The following NXPH2 variants were observed in gnomAD, a reference collection of about 807,000 sequenced individuals.
The protein encoded by NXPH2 is neurexophilin-2.
Under a neutral mutation model 19.8 loss-of-function variants are expected in NXPH2, and 5 were observed. The observed-to-expected ratio is 0.25, with a 90% confidence interval of 0.13 to 0.53. NXPH2 has a LOEUF of 0.53. Among genes scored for constraint, NXPH2 ranks in the 20% least tolerant of loss-of-function variants. The pLI is 0.96. For missense variants in NXPH2, 289 were observed against 322.8 expected (o/e 0.90, Z 0.80); for synonymous variants, 154 against 127.4 (o/e 1.21, Z -1.41).
At chr2:138,673,754 A>T (rs1680446154) in intron 1 of NXPH2, among the ~76,000 whole-genome samples, 1 of 151,712 alleles carries the variant, frequency 6.6e-6, no homozygotes, top group Non-Finnish European at 1.5e-5. Context: ...TTGGGATTAC[A>T]GGTATGAGTC....
intron 1 of NXPH2, among the ~76,000 whole-genome samples, chr2:138,730,562 C>T (rs543411978): frequency 2.2e-4 from 33 of 152,188 alleles, no homozygotes; most frequent in African/African-American, 7.0e-4. Context: ...CACTGAGGCA[C>T]CATGCTATGA....
chr2:138,749,130 T>C (rs1681787366), intron 1 of NXPH2, among the ~76,000 whole-genome samples: 1 of 152,176 alleles, frequency 6.6e-6, no homozygotes, highest in Admixed American at 6.5e-5. Flanking sequence ...GTTTCCCCCA[T>C]GCTATTATCA....
At chr2:138,751,593 G>A (rs1375202113) in intron 1 of NXPH2, among the ~76,000 whole-genome samples, 1 of 151,952 alleles carries the variant, frequency 6.6e-6, no homozygotes, top group East Asian at 1.9e-4. Flanking sequence ...TTCTAACAGG[G>A]GAAAGTTTTG....
rs1383015262 is a variant in NXPH2 at position 138,723,131 on chromosome 2, A to C, written c.52-51466T>G. On this transcript the variant is annotated intron_variant, in intron 1 of 1. Coordinates refer to ENST00000272641, the MANE Select transcript of NXPH2 (RefSeq NM_007226.3). ...GAGGAGATTTACTGTAGGGTTTCACATTAAAGCAAAGCTAAGCAACACAAA... is the reference window on the plus strand; with the variant it reads ...GAGGAGATTTACTGTAGGGTTTCACCTTAAAGCAAAGCTAAGCAACACAAA... 2.6e-5 allele frequency among the ~76,000 whole-genome samples: 4 copies of C among 152,102 alleles called. No individual in the cohort carries two copies. In the East Asian group the frequency reaches 7.8e-4, roughly 30 times the overall value.
chr2:138,695,298 A>G (rs1680813993), intron 1 of NXPH2, among the ~76,000 whole-genome samples: 3 of 152,198 alleles, frequency 2.0e-5, no homozygotes, highest in African/African-American at 7.2e-5. Flanking sequence ...TGTAGTTTGA[A>G]AAAGATACTG....
chr2:138,669,487 G>A lies in NXPH2; in HGVS notation c.*1435C>T, dbSNP rs910645845. Among the ~76,000 whole-genome samples, 2 of 151,534 alleles carry A rather than the reference G, an allele frequency of 1.3e-5. No individual in the cohort carries two copies. The highest frequency in any genetic ancestry group is 4.8e-5 in the African/African-American group (2 of 41,264). On this transcript the variant is annotated 3_prime_UTR_variant, in exon 2 of 2. Transcript: ENST00000272641. ...GTAAAAGGAAAGAAATGAAGATAGAGAACAGAGCTCTTGGTTTTTTGAACA... is the reference window on the plus strand; with the variant it reads ...GTAAAAGGAAAGAAATGAAGATAGAAAACAGAGCTCTTGGTTTTTTGAACA...
intron 1 of NXPH2, among the ~76,000 whole-genome samples, chr2:138,690,798 G>A (rs1680734868): frequency 6.6e-6 from 1 of 152,228 alleles, no homozygotes. Context: ...TCTATGGAGG[G>A]TAGTGTCTAG....
chr2:138,768,859 G>A (rs547510595), intron 1 of NXPH2, among the ~76,000 whole-genome samples: 5 of 152,258 alleles, frequency 3.3e-5, no homozygotes, highest in Admixed American at 6.5e-5. Flanking sequence ...ATTTTATAAG[G>A]AAAGAAACAG....
chr2:138,760,332 C>G (rs1211482164), intron 1 of NXPH2, among the ~76,000 whole-genome samples: 3 of 152,172 alleles, frequency 2.0e-5, no homozygotes, highest in Non-Finnish European at 4.4e-5. Context: ...TGCTCAACAT[C>G]TGCTTAACTT....
At chr2:138,780,101 C>G (rs1682327841) in intron 1 of NXPH2, 90 bp downstream of exon 1, 2 of 1,322,368 alleles carry the variant, frequency 1.5e-6, no homozygotes, top group Admixed American at 2.9e-5. Context: ...CCAAGCAGGC[C>G]CAGGCTGGGC....
At chr2:138,744,983 T>G (rs1009635169) in intron 1 of NXPH2, among the ~76,000 whole-genome samples, 23 of 152,164 alleles carry the variant, frequency 1.5e-4, no homozygotes, top group African/African-American at 5.5e-4. Context: ...AGCCCAGCTG[T>G]CAGCTCTCCA....
chr2:138,768,379 A>G (rs1682124911), intron 1 of NXPH2, among the ~76,000 whole-genome samples: 1 of 152,116 alleles, frequency 6.6e-6, no homozygotes, highest in African/African-American at 2.4e-5. Flanking sequence ...GAGAGTGCTA[A>G]CCACAAGTTT....
chr2:138,753,531 T>A (rs1558929675), intron 1 of NXPH2, among the ~76,000 whole-genome samples: 1 of 152,206 alleles, frequency 6.6e-6, no homozygotes, highest in Non-Finnish European at 1.5e-5. Flanking sequence ...CTGGAGTGTT[T>A]TGTTTTCAGG....
In NXPH2 at chr2:138,709,108, C is replaced by T. The variant is rs376593342; in HGVS notation, c.52-37443G>A. Among the ~76,000 whole-genome samples, 102 of 152,172 alleles carry T rather than the reference C, an allele frequency of 6.7e-4. No individual in the cohort carries two copies. The Middle Eastern group carries it at 0.01, about 15-fold the overall frequency. On this transcript the variant is annotated intron_variant, in intron 1 of 1. Transcript: ENST00000272641. ...TGGCAATGGAGCTAATTCCAATCAA[C>T]GAGGAAGCTATTTAGGTCCCACAAG... is the stretch of plus-strand genomic sequence containing the variant.
chr2:138,750,520 G>A (rs1375333477), intron 1 of NXPH2, among the ~76,000 whole-genome samples: 1 of 152,090 alleles, frequency 6.6e-6, no homozygotes, highest in Non-Finnish European at 1.5e-5. Flanking sequence ...AGCTGTAAAT[G>A]TGAACCAGCA....
At chr2:138,691,429 A>G (rs1024211558) in intron 1 of NXPH2, among the ~76,000 whole-genome samples, 4 of 152,226 alleles carry the variant, frequency 2.6e-5, no homozygotes, top group African/African-American at 7.2e-5. Flanking sequence ...TGTGAGAGAC[A>G]TATATTAATT....
intron 1 of NXPH2, among the ~76,000 whole-genome samples, chr2:138,722,402 G>T (rs942475538): frequency 1.3e-5 from 2 of 152,238 alleles, no homozygotes; most frequent in Admixed American, 6.5e-5. Context: ...AATCAAGGAA[G>T]TATGTGTGGT....
chr2:138,743,848 C>T, intron 1 of NXPH2, among the ~76,000 whole-genome samples: 1 of 151,716 alleles, frequency 6.6e-6, no homozygotes, highest in East Asian at 1.9e-4. Context: ...ATTAAAAGTA[C>T]AAAAATTAGT....
At chr2:138,718,269 G>A (rs1005526431) in intron 1 of NXPH2, among the ~76,000 whole-genome samples, 1 of 151,826 alleles carries the variant, frequency 6.6e-6, no homozygotes. Context: ...TTAGTGAAAA[G>A]ACAATTTAAA....
Sources: gnomAD v4.1 joint callset for allele counts (sites outside exome capture counted in the v4.1 genomes callset) on GRCh38, gnomAD v4.1.1 for gene constraint, MANE v1.5 for transcripts, NCBI Gene and HGNC (gene_info 2026-07-23, HGNC 2026-07-21) for gene names.